The following STK3 variants were observed in gnomAD, a reference collection of about 807,000 sequenced individuals.
STK3 encodes serine/threonine-protein kinase 3.
STK3 carries 41 observed loss-of-function variants against 58.0 expected under a neutral mutation model. That is an observed-to-expected ratio of 0.71 (90% confidence interval 0.55 to 0.92). STK3 has a LOEUF of 0.92. STK3 is among the 40% of genes least tolerant of loss of function. The probability of loss-of-function intolerance (pLI) is 0.00; values close to 1 mark genes in which losing one functional copy is unlikely to be tolerated. For synonymous variants in STK3, 170 were observed against 191.0 expected, an observed-to-expected ratio of 0.89 and a Z score of 0.91; for missense variants, 479 against 602.7, an observed-to-expected ratio of 0.79 and a Z score of 2.15.
chr8:98,743,237 G>C (rs1210123711), intron 4 of STK3, among the ~76,000 whole-genome samples: 1 of 141,292 alleles, frequency 7.1e-6, no homozygotes, highest in Non-Finnish European at 1.6e-5. Context: ...GTACTTTAAA[G>C]TTCATATGGA....
At chr8:98,611,846 C>G (rs1239651851) in intron 6 of STK3, among the ~76,000 whole-genome samples, 2 of 152,002 alleles carry the variant, frequency 1.3e-5, no homozygotes, top group South Asian at 2.1e-4. Flanking sequence ...AAGATCACTG[C>G]ATGAATCAAA....
intron 9 of STK3, among the ~76,000 whole-genome samples, chr8:98,540,773 T>C (rs1175652872): frequency 1.3e-5 from 2 of 151,464 alleles, no homozygotes; most frequent in East Asian, 1.9e-4. Context: ...TCTGGGTAAG[T>C]GCACTCTTTC....
chr8:98,787,734 C>A (rs184113121), intron 1 of STK3, among the ~76,000 whole-genome samples: 257 of 152,340 alleles, frequency 1.7e-3, no homozygotes, highest in Non-Finnish European at 1.2e-3. Flanking sequence ...CAGCAGATTT[C>A]TCAGCAAAAA....
At chr8:98,614,737 T>C (rs936078459) in intron 6 of STK3, among the ~76,000 whole-genome samples, 10 of 152,282 alleles carry the variant, frequency 6.6e-5, no homozygotes, top group Non-Finnish European at 7.4e-5. Context: ...ACCCGAATAC[T>C]GCGCTTTTCA....
chr8:98,669,721 G>A (rs1295067339), intron 6 of STK3, among the ~76,000 whole-genome samples: 2 of 152,134 alleles, frequency 1.3e-5, no homozygotes, highest in Non-Finnish European at 2.9e-5. Flanking sequence ...TTACACAACT[G>A]AGGGTAACAA....
In STK3 at chr8:98,482,510, C is replaced by T. The variant is rs11786675; in HGVS notation, c.1318-26510G>A. Among the ~76,000 whole-genome samples the T allele has an allele frequency of 1.1e-4, 16 of 152,152 alleles. 1 individual carries two copies. The highest frequency in any genetic ancestry group is 1.9e-4 in the Non-Finnish European group (13 of 68,022). ...CAGGATGGATAAAGACATGTTTTCT[C>T]GCATTTAGGTAACTTTGTCCCCTAT... On this transcript the variant is annotated intron_variant, in intron 10 of 10. Transcript: ENST00000419617.
At chr8:98,579,474 A>G (rs1028770345) in intron 8 of STK3, among the ~76,000 whole-genome samples, 190 bp downstream of exon 8, 9 of 152,226 alleles carry the variant, frequency 5.9e-5, no homozygotes, top group Admixed American at 4.6e-4. Context: ...ACATTCCACT[A>G]ATCACTAATT....
chr8:98,366,779 C>G (rs902975887), downstream of STK3, among the ~76,000 whole-genome samples: 1 of 152,114 alleles, frequency 6.6e-6, no homozygotes, highest in African/African-American at 2.4e-5. Context: ...TATCCTGACT[C>G]CCATGTCCAA....
At chr8:98,657,750 T>G (rs1247385630) in intron 6 of STK3, among the ~76,000 whole-genome samples, 1 of 152,044 alleles carries the variant, frequency 6.6e-6, no homozygotes. Context: ...TAATGTGATT[T>G]CTTAAAATTT....
intron 6 of STK3, among the ~76,000 whole-genome samples, chr8:98,608,884 G>A (rs1816964105): frequency 6.6e-6 from 1 of 152,212 alleles, no homozygotes; most frequent in South Asian, 2.1e-4. Flanking sequence ...AGAATATGGT[G>A]ATGAACATCT....
intron 1 of STK3, among the ~76,000 whole-genome samples, chr8:98,444,496 G>T (rs1043010686): frequency 6.6e-6 from 1 of 152,238 alleles, no homozygotes; most frequent in Non-Finnish European, 1.5e-5. Flanking sequence ...ATTCTGGCAG[G>T]AGACAATGAG....
At chr8:98,358,430 C>G in the STK3 span, among the ~76,000 whole-genome samples, 1 of 152,160 alleles carries the variant, frequency 6.6e-6, no homozygotes, top group African/African-American at 2.4e-5. Flanking sequence ...TGTGCTTTAT[C>G]CTGAGGGCAA....
chr8:98,654,355 T>C (rs2130738060), intron 6 of STK3, among the ~76,000 whole-genome samples: 1 of 152,264 alleles, frequency 6.6e-6, no homozygotes, highest in Admixed American at 6.5e-5. Flanking sequence ...GAGCTATCTA[T>C]GACAAACCCA....
At chr8:98,357,223 A>G in the STK3 span, among the ~76,000 whole-genome samples, 1 of 152,148 alleles carries the variant, frequency 6.6e-6, no homozygotes. Flanking sequence ...TAGAGATGCA[A>G]ATTGGGTCTC....
intron 10 of STK3, among the ~76,000 whole-genome samples, chr8:98,473,879 G>T (rs910577812): frequency 2.6e-5 from 4 of 152,048 alleles, no homozygotes; most frequent in African/African-American, 7.2e-5. Context: ...TCTCATACAT[G>T]CCCTGGGCTT....
intron 1 of STK3, among the ~76,000 whole-genome samples, chr8:98,936,696 C>T (rs1053956207): frequency 6.6e-6 from 1 of 152,214 alleles, no homozygotes; most frequent in Admixed American, 6.5e-5. Flanking sequence ...GCGGGCCCAC[C>T]ACGTAGGGCA....
At chr8:98,737,703 T>C (rs1319377196) in intron 4 of STK3, among the ~76,000 whole-genome samples, 3 of 152,076 alleles carry the variant, frequency 2.0e-5, no homozygotes, top group Non-Finnish European at 4.4e-5. Context: ...AAAACGTATA[T>C]AATTTTCTTT....
At chr8:98,344,892 C>CAAAA in the STK3 span, among the ~76,000 whole-genome samples, 62 of 47,390 alleles carry the variant, frequency 1.3e-3, no homozygotes, top group African/African-American at 1.8e-3. Context: ...GACTCCGTCT[C>CAAAA]AAAAAAAAAA....
chr8:98,543,389 T>G (rs1001258831), intron 9 of STK3, among the ~76,000 whole-genome samples: 6 of 151,878 alleles, frequency 4.0e-5, no homozygotes, highest in African/African-American at 1.5e-4. Context: ...GGGGAGGGAA[T>G]GAAGATTGGA....
Sources: gnomAD v4.1 joint callset for allele counts (sites outside exome capture counted in the v4.1 genomes callset) on GRCh38, gnomAD v4.1.1 for gene constraint, MANE v1.5 for transcripts, NCBI Gene and HGNC (gene_info 2026-07-23, HGNC 2026-07-21) for gene names.